Variants in IFT74 observed in about 807,000 individuals in gnomAD.
The protein encoded by IFT74 is intraflagellar transport protein 74 homolog.
Under a neutral mutation model 96.7 loss-of-function variants are expected in IFT74, and 92 were observed. The ratio of observed to expected loss-of-function variants is 0.95; its 90% confidence interval spans 0.80 to 1.13. The LOEUF (loss-of-function observed/expected upper bound fraction) is 1.13, where lower values mean the gene tolerates loss of function less well. Among genes scored for constraint, IFT74 ranks in the 50% most tolerant of loss-of-function variants. The pLI, the probability that IFT74 is intolerant of heterozygous loss-of-function variation, is 0.00. For missense variants in IFT74, 811 were observed against 698.2 expected, an observed-to-expected ratio of 1.16 and a Z score of -1.82; for synonymous variants, 223 against 213.2, an observed-to-expected ratio of 1.05 and a Z score of -0.40.
Position 27,062,663 on chromosome 9 carries a change from A to C in IFT74, c.1730A>C (p.Lys577Thr). 6.2e-7 allele frequency: 1 copy of C among 1,610,950 alleles called. No homozygotes were observed. The highest frequency in any genetic ancestry group is 8.5e-7 in the Non-Finnish European group (1 of 1,178,496). ...GAGAGTGATTACCAGCCAATTAAGA[A>C]AAATGTGACCAAGCAGATTGCAGAG... ...SQESDYQPIK[K>T]NVTKQIAEYN... is the part of the protein sequence containing the mutation. Residue 577 changes from lysine (K) to threonine (T), a missense_variant, in exon 20 of 20, where the codon AAA becomes ACA. Physicochemically the swap from Lys to Thr is moderately conservative, Grantham distance 78 (BLOSUM62 -1). Transcript: ENST00000380062.
chr9:27,062,869 C>G lies in IFT74; in HGVS notation c.*133C>G, dbSNP rs1325037396. Reference sequence around the variant, plus strand: ...TTCTGAATGTTATAATTTTTGTGGCCTCTTTTAAGAATGATATTTTAAAAT... The same window carrying G: ...TTCTGAATGTTATAATTTTTGTGGCGTCTTTTAAGAATGATATTTTAAAAT... On this transcript the variant is annotated 3_prime_UTR_variant, in exon 20 of 20. Transcript: ENST00000380062. 1.6e-6 allele frequency: 1 copy of G among 606,492 alleles called. No individual in the cohort carries two copies. 37.6% of individuals were successfully genotyped at this position (606,492 alleles called of 1,614,324 possible).
In IFT74 at chr9:27,056,931, T is replaced by C. The variant is rs567353662; in HGVS notation, c.1623+472T>C. On this transcript the variant is annotated intron_variant, in intron 18 of 19. Coordinates refer to ENST00000380062, the MANE Select transcript of IFT74 (RefSeq NM_025103.4). ...ATGTGTATACACATATTTATGCATA[T>C]ACTTAGGTACACATTTATTTCTATG... 2.6e-4 allele frequency among the ~76,000 whole-genome samples: 39 copies of C among 152,228 alleles called. 1 individual carries two copies. In the South Asian group the frequency reaches 6.8e-3, roughly 27 times the overall value.
At chr9:27,002,020 C>T (rs757301251) in intron 8 of IFT74, among the ~76,000 whole-genome samples, 3 of 151,750 alleles carry the variant, frequency 2.0e-5, no homozygotes, top group Non-Finnish European at 2.9e-5. Context: ...TCTGGGGGGT[C>T]CTCAGGAAAC....
In IFT74 at chr9:27,016,938, C is replaced by T. The variant is rs900089509; in HGVS notation, c.821C>T (p.Ala274Val). Residue 274 changes from alanine to valine, a missense_variant, in exon 11 of 20, where the codon GCG (alanine) becomes GTG (valine). By Grantham distance (64) the Ala-to-Val change is moderately conservative. Transcript: ENST00000380062. Reference protein sequence around the residue: ...EIAHSQVKQEAVLLHEKLYEL... With the variant: ...EIAHSQVKQEVVLLHEKLYEL... ...GCTCACTCCCAGGTGAAACAGGAGGCGGTATTGCTGCATGAAAAACTTTAT... is the reference window on the plus strand; with the variant it reads ...GCTCACTCCCAGGTGAAACAGGAGGTGGTATTGCTGCATGAAAAACTTTAT... 1.1e-5 allele frequency: 18 copies of T among 1,606,666 alleles called. 1 individual carries two copies. The South Asian group carries it at 1.3e-4, about 12-fold the overall frequency.
At chr9:27,015,441 A>G (rs950762388) in intron 10 of IFT74, among the ~76,000 whole-genome samples, 1 of 152,138 alleles carries the variant, frequency 6.6e-6, no homozygotes, top group Non-Finnish European at 1.5e-5. Flanking sequence ...TTTTGAGACC[A>G]GCATGGCCAA....
chr9:26,990,637 T>A lies in IFT74; in HGVS notation c.587+442T>A, dbSNP rs184358467. On this transcript the variant is annotated intron_variant, in intron 8 of 19. Transcript: ENST00000380062. ...AGCAATCTACGTCATATATAGATTGTATGTGTGTCTTTATATATAACCTAT... is the reference window on the plus strand; with the variant it reads ...AGCAATCTACGTCATATATAGATTGAATGTGTGTCTTTATATATAACCTAT... Among the ~76,000 whole-genome samples the A allele has an allele frequency of 3.5e-4, 54 of 152,336 alleles. No homozygotes were observed. The East Asian group carries it at 9.4e-3, about 27-fold the overall frequency.
At chr9:26,972,016 C>G (rs2131508661) in intron 2 of IFT74, among the ~76,000 whole-genome samples, 1 of 152,216 alleles carries the variant, frequency 6.6e-6, no homozygotes, top group South Asian at 2.1e-4. Flanking sequence ...TCTTCAATTA[C>G]CCAGGAGGAC....
At chr9:27,040,099 A>T (rs1467320897) in intron 13 of IFT74, among the ~76,000 whole-genome samples, 1 of 152,208 alleles carries the variant, frequency 6.6e-6, no homozygotes, top group Non-Finnish European at 1.5e-5. Flanking sequence ...GAAATCCTAG[A>T]TTGCATAACA....
intron 8 of IFT74, among the ~76,000 whole-genome samples, chr9:27,000,275 A>G (rs544882124): frequency 1.3e-5 from 2 of 152,310 alleles, no homozygotes; most frequent in South Asian, 4.1e-4. Context: ...AGGAGCTTTA[A>G]AGCAATTTAA....
chr9:27,052,158 T>A (rs779670653), intron 16 of IFT74, among the ~76,000 whole-genome samples: 6 of 152,172 alleles, frequency 3.9e-5, no homozygotes, highest in Admixed American at 2.6e-4. Flanking sequence ...AATTCAATAA[T>A]CAAGACTTTG....
chr9:26,986,561 C>A lies in IFT74; in HGVS notation c.465+2002C>A, dbSNP rs150939794. On this transcript the variant is annotated intron_variant, in intron 6 of 19. Transcript: ENST00000380062. Reference sequence around the variant, plus strand: ...CAAACTCATGGGCTCAAGTGATCTGCCCACCTTGGTCTCCCAAAGTGCTGG... The same window carrying A: ...CAAACTCATGGGCTCAAGTGATCTGACCACCTTGGTCTCCCAAAGTGCTGG... 3.5e-3 allele frequency among the ~76,000 whole-genome samples: 527 copies of A among 152,144 alleles called. 3 individuals carry two copies. Among genetic ancestry groups the A allele is most frequent in the African/African-American group, 0.012 (504 of 41,506 alleles).
chr9:27,001,586 T>C (rs1483935920), intron 8 of IFT74, among the ~76,000 whole-genome samples: 1 of 151,522 alleles, frequency 6.6e-6, no homozygotes, highest in Non-Finnish European at 1.5e-5. Context: ...TTCCACATAC[T>C]TGTTTGTCTT....
chr9:27,058,115 G>A (rs1820251585), intron 18 of IFT74, among the ~76,000 whole-genome samples: 1 of 148,078 alleles, frequency 6.8e-6, no homozygotes, highest in African/African-American at 2.5e-5. Context: ...TTCAAACAGA[G>A]TCTCACTGTG....
intron 10 of IFT74, among the ~76,000 whole-genome samples, chr9:27,015,865 C>G (rs1016570303): frequency 1.3e-5 from 2 of 152,118 alleles, no homozygotes; most frequent in African/African-American, 4.8e-5. Flanking sequence ...TAGTATAGTG[C>G]CTGGCACAGA....
chr9:27,000,459 G>T (rs1197937700), intron 8 of IFT74, among the ~76,000 whole-genome samples: 1 of 152,164 alleles, frequency 6.6e-6, no homozygotes, highest in African/African-American at 2.4e-5. Context: ...TGTGGGAGAT[G>T]AGAATCTTTA....
Position 26,962,087 on chromosome 9 carries a change from A to G in IFT74, c.120A>G (p.Ala40=). The change falls in exon 2 of 20, where the codon GCA becomes GCG. Residue 40 remains alanine (A), a splice_region_variant and synonymous_variant. Transcript: ENST00000380062. ...CAGGAAATATTCGAGTGGCAACTGC[A>G]GTAAGTTTGAAACAAATCTATTTAC... The part of the protein sequence containing the change: ...PLSGNIRVAT[A]MPPGTARPGS... 6.2e-7 allele frequency: 1 copy of G among 1,614,118 alleles called. No homozygotes were observed. The highest frequency in any genetic ancestry group is 1.3e-5 in the African/African-American group (1 of 75,038).
chr9:26,947,243 G>C (rs569716675), intron 1 of IFT74: 1 of 578,522 alleles, frequency 1.7e-6, no homozygotes, highest in Non-Finnish European at 2.9e-6. Flanking sequence ...CAGCAAGCCT[G>C]ACAGGCACTC....
chr9:26,982,933 A>G (rs552699784), intron 4 of IFT74, among the ~76,000 whole-genome samples: 1 of 152,240 alleles, frequency 6.6e-6, no homozygotes, highest in Non-Finnish European at 1.5e-5. Flanking sequence ...GCATCTCTAA[A>G]TCAATGACTT....
rs889997128 is a variant in IFT74, at chr9:27,052,530, A to G, written c.1334-3079A>G. On this transcript the variant is annotated intron_variant, in intron 16 of 19. Transcript: ENST00000380062. ...CTCAAAAAAAAAAAAAAAAAAAAAA[A>G]GTAGTCATTATGTGTTCTCCTGAGA... 1.9e-4 allele frequency among the ~76,000 whole-genome samples: 29 copies of G among 149,208 alleles called. No homozygotes were observed. In the South Asian group the frequency reaches 3.2e-3, roughly 17 times the overall value.
Sources: gnomAD v4.1 joint callset for allele counts (sites outside exome capture counted in the v4.1 genomes callset) on GRCh38, gnomAD v4.1.1 for gene constraint, MANE v1.5 for transcripts, NCBI Gene and HGNC (gene_info 2026-07-23, HGNC 2026-07-21) for gene names.